Variants in PHACTR2 observed in about 807,000 individuals in gnomAD.
PHACTR2 encodes the protein phosphatase and actin regulator 2, also known as chromosome 6 open reading frame 56.
A neutral mutation model predicts 76.0 loss-of-function variants in PHACTR2; 30 were observed. The observed-to-expected ratio is 0.39, with a 90% confidence interval of 0.30 to 0.54. The LOEUF (loss-of-function observed/expected upper bound fraction) is 0.54, where lower values mean the gene tolerates loss of function less well. Among genes scored for constraint, PHACTR2 ranks in the 20% least tolerant of loss-of-function variants. PHACTR2 has a pLI of 0.61. For missense variants in PHACTR2, 696 were observed against 781.1 expected, an observed-to-expected ratio of 0.89 and a Z score of 1.30; for synonymous variants, 292 against 292.5, an observed-to-expected ratio of 1.00 and a Z score of 0.02.
intron 11 of PHACTR2, among the ~76,000 whole-genome samples, chr6:143,796,383 C>CT (rs989448694): frequency 3.7e-5 from 1 of 26,794 alleles, no homozygotes; most frequent in Non-Finnish European, 9.2e-5. Flanking sequence ...TTTTTCTTTT[C>CT]TTTCTTTCTT....
chr6:143,687,928 A>G (rs1484810614), intron 1 of PHACTR2, among the ~76,000 whole-genome samples: 1 of 152,200 alleles, frequency 6.6e-6, no homozygotes, highest in Non-Finnish European at 1.5e-5. Context: ...TATTATGTGT[A>G]AGGTGTTATG....
At position 143,658,205 on chromosome 6, in the gene PHACTR2, A is replaced by T. The variant is rs1242630071; in HGVS notation, c.13+49883A>T. Reference sequence around the variant, plus strand: ...TAGGTGTATGTTTAACATTACAGAAACTGCCAGACTAACCTGAGCTTCAAC... The same window carrying T: ...TAGGTGTATGTTTAACATTACAGAATCTGCCAGACTAACCTGAGCTTCAAC... On this transcript the variant is annotated intron_variant, in intron 1 of 11. Coordinates refer to the PHACTR2 transcript ENST00000305766. The surrounding 1 kb of genome is among the most constrained non-coding windows in gnomAD (Gnocchi z 4.1). 3.9e-5 allele frequency among the ~76,000 whole-genome samples: 6 copies of T among 152,234 alleles called. No homozygotes were observed. The highest frequency in any genetic ancestry group is 1.4e-4 in the African/African-American group (6 of 41,460).
rs181660747 is a variant in PHACTR2, at chr6:143,816,307, C to G, written c.1923-7367C>G. 6.6e-6 allele frequency among the ~76,000 whole-genome samples: 1 copy of G among 151,816 alleles called. No individual in the cohort carries two copies. The highest frequency in any genetic ancestry group is 2.4e-5 in the African/African-American group (1 of 41,346). ...AAACTACCGAGAAATAGCAAAATACCGAGAAATAACAAACTGAAGAGTATT... is the reference window on the plus strand; with the variant it reads ...AAACTACCGAGAAATAGCAAAATACGGAGAAATAACAAACTGAAGAGTATT... On this transcript the variant is annotated intron_variant, in intron 12 of 12. Transcript: ENST00000440869. The surrounding 1 kb of genome is among the most constrained non-coding windows in gnomAD (Gnocchi z 4.5).
rs548690754 is a variant in PHACTR2 at position 143,619,751 on chromosome 6, T to C, written c.13+11429T>C. Among the ~76,000 whole-genome samples the C allele has an allele frequency of 1.3e-5, 2 of 152,356 alleles. No homozygotes were observed. The highest frequency in any genetic ancestry group is 1.3e-4 in the Admixed American group (2 of 15,304). On this transcript the variant is annotated intron_variant, in intron 1 of 11. Transcript: ENST00000305766. This position sits in a 1 kb window ranked among gnomAD's most constrained non-coding sequence, Gnocchi z 4.5. ...TCTTATTTTCTTAGTAAGGGAAATT[T>C]GGCAACCCTCCATTTTTAAAGCAGC...
At chr6:143,721,920 T>G (rs920262088) in intron 2 of PHACTR2, among the ~76,000 whole-genome samples, 3 of 152,192 alleles carry the variant, frequency 2.0e-5, no homozygotes, top group African/African-American at 7.2e-5. Context: ...CAGTACCTCA[T>G]GTGTTCTTTC....
chr6:143,796,019 A>G (rs1055167820), intron 11 of PHACTR2, among the ~76,000 whole-genome samples: 1 of 152,192 alleles, frequency 6.6e-6, no homozygotes, highest in Non-Finnish European at 1.5e-5. Context: ...TCACTCAGTA[A>G]TCACTTATTA....
At chr6:143,756,548 A>C (rs1390334575) in intron 4 of PHACTR2, among the ~76,000 whole-genome samples, 4 of 151,794 alleles carry the variant, frequency 2.6e-5, no homozygotes, top group Non-Finnish European at 5.9e-5. Flanking sequence ...ACAAAAAAAA[A>C]ATTAGCCGGG....
rs970879209 is a variant in PHACTR2, at chr6:143,753,251, A to G, written c.296-503A>G. On this transcript the variant is annotated intron_variant, in intron 3 of 12. Coordinates refer to ENST00000440869, the MANE Select transcript of PHACTR2 (RefSeq NM_001100164.2). This position sits in a 1 kb window ranked among gnomAD's most constrained non-coding sequence, Gnocchi z 4.6. ...TTACTGTGTGAAGTTAGCACATCAT[A>G]TACTTAATATATTCTGGAACCAGTA... Among the ~76,000 whole-genome samples, 2 of 152,206 alleles carry G rather than the reference A, an allele frequency of 1.3e-5. No homozygotes were observed. Among genetic ancestry groups the G allele is most frequent in the Non-Finnish European group, 2.9e-5 (2 of 68,040 alleles).
chr6:143,575,543 G>A (rs1049300752), intron 1 of PHACTR2, among the ~76,000 whole-genome samples: 4 of 152,194 alleles, frequency 2.6e-5, no homozygotes, highest in African/African-American at 4.8e-5. Flanking sequence ...GACACTAGAT[G>A]GTGCAGTGGT....
Position 143,552,315 on chromosome 6 carries a change from G to T in PHACTR2, c.217+15108G>T, listed in dbSNP as rs551618101. The stretch of plus-strand genomic sequence containing the variant: ...GGACATCTTCAGATTGCATCTGAAG[G>T]AAGTCACTGGAATTCACAGCCAAAG... On this transcript the variant is annotated intron_variant, in intron 1 of 11. Coordinates refer to the PHACTR2 transcript ENST00000367584. Among the ~76,000 whole-genome samples, 22 of 152,306 alleles carry T rather than the reference G, an allele frequency of 1.4e-4. No homozygotes were observed. In the South Asian group the frequency reaches 4.6e-3, roughly 32 times the overall value.
In PHACTR2 at chr6:143,826,137, G is replaced by C. The variant is rs1312654803; in HGVS notation, c.*2448G>C. ...AATTATTTTATTAGAATGATGGCTT[G>C]AGTAAAAAGCTGTGGAAAGAATTAA... On this transcript the variant is annotated 3_prime_UTR_variant, in exon 13 of 13. Coordinates refer to ENST00000440869, the MANE Select transcript of PHACTR2 (RefSeq NM_001100164.2). 3.9e-5 allele frequency: 6 copies of C among 152,082 alleles called. No homozygotes were observed. The highest frequency in any genetic ancestry group is 1.4e-4 in the African/African-American group (6 of 41,402). The allele number at this position is 152,082 out of a possible 1,614,324, so 9.4% of individuals were successfully genotyped here. A position where few individuals can be genotyped will look rare whatever the true frequency, so the allele number is the denominator to read the frequency against.
chr6:143,696,455 A>T lies in PHACTR2; in HGVS notation c.47-15561A>T, dbSNP rs1777771228. 6.6e-6 allele frequency among the ~76,000 whole-genome samples: 1 copy of T among 152,188 alleles called. No homozygotes were observed. Among genetic ancestry groups the T allele is most frequent in the Admixed American group, 6.5e-5 (1 of 15,270 alleles). On this transcript the variant is annotated intron_variant, in intron 1 of 12. Coordinates refer to ENST00000440869, the MANE Select transcript of PHACTR2 (RefSeq NM_001100164.2). The surrounding 1 kb of genome is among the most constrained non-coding windows in gnomAD (Gnocchi z 4.1). ...TTTATTCCCCACAAAACCTCTTATC[A>T]GCCTTTTTCCACTTGCTTACATGTA...
rs144558998 is a variant in PHACTR2 at position 143,544,503 on chromosome 6, C to T, written c.217+7296C>T. On this transcript the variant is annotated intron_variant, in intron 1 of 11. Coordinates refer to the PHACTR2 transcript ENST00000367584. Reference sequence around the variant, plus strand: ...AAGTCACCTCCCTATGCTAGGTTTCCTTATATCTGACCTGAAAATAATTAG... The same window carrying T: ...AAGTCACCTCCCTATGCTAGGTTTCTTTATATCTGACCTGAAAATAATTAG... 4.9e-3 allele frequency among the ~76,000 whole-genome samples: 742 copies of T among 152,258 alleles called. 9 individuals are homozygous for T. In the South Asian group the frequency reaches 0.058, roughly 12 times the overall value.
intron 1 of PHACTR2, among the ~76,000 whole-genome samples, chr6:143,614,360 C>T (rs1417012964): frequency 6.6e-6 from 1 of 152,218 alleles, no homozygotes; most frequent in Admixed American, 6.5e-5. Flanking sequence ...TACCAAGTTA[C>T]AAGGTAGATA....
In PHACTR2 at chr6:143,561,796, G is replaced by A. The variant is rs537868020; in HGVS notation, c.217+24589G>A. The stretch of plus-strand genomic sequence containing the variant: ...CCAGTAAGTAAGGCAGTGAGCCAGG[G>A]AGAGCTGGGTTATTACTGCTTGTGT... On this transcript the variant is annotated intron_variant, in intron 1 of 11. Coordinates refer to the PHACTR2 transcript ENST00000367584. This position sits in a 1 kb window ranked among gnomAD's most constrained non-coding sequence, Gnocchi z 4.1. 1.3e-5 allele frequency: 2 copies of A among 152,392 alleles called. No individual in the cohort carries two copies. The highest frequency in any genetic ancestry group is 4.8e-5 in the African/African-American group (2 of 41,574). The allele number at this position is 152,392 out of a possible 1,614,324, so 9.4% of individuals were successfully genotyped here.
intron 2 of PHACTR2, among the ~76,000 whole-genome samples, chr6:143,727,756 A>C (rs1778607730): frequency 8.1e-6 from 1 of 124,156 alleles, no homozygotes; most frequent in East Asian, 1.9e-4. Context: ...GTTTTTGAGA[A>C]ATATCTATTC....
Position 143,760,697 on chromosome 6 carries a change from G to A in PHACTR2, c.694+57G>A. 3 of 1,573,610 alleles carry A rather than the reference G, an allele frequency of 1.9e-6. No homozygotes were observed. Among genetic ancestry groups the A allele is most frequent in the Admixed American group, 1.9e-5 (1 of 53,372 alleles). ...CTTCTAGGGTGCTTGGCTCTGGGATGGGGCTAATTGTTTCTTCTAGGTGTG... is the reference window on the plus strand; with the variant it reads ...CTTCTAGGGTGCTTGGCTCTGGGATAGGGCTAATTGTTTCTTCTAGGTGTG... On this transcript the variant is annotated intron_variant, in intron 5 of 12. Coordinates refer to ENST00000440869, the MANE Select transcript of PHACTR2 (RefSeq NM_001100164.2). This position sits in a 1 kb window ranked among gnomAD's most constrained non-coding sequence, Gnocchi z 6.4.
rs1246862089 is a variant in PHACTR2 at position 143,597,617 on chromosome 6, T to C, written c.217+60410T>C. ...CTGATGGGAGCCAGTGATAAAAGGA[T>C]TAAGGAGATCTGATTCCCCCTTCAA... is the stretch of plus-strand genomic sequence containing the variant. On this transcript the variant is annotated intron_variant, in intron 1 of 11. Coordinates refer to the PHACTR2 transcript ENST00000367584. The surrounding 1 kb of genome is among the most constrained non-coding windows in gnomAD (Gnocchi z 5.7). Among the ~76,000 whole-genome samples, 1 of 152,214 alleles carries C rather than the reference T, an allele frequency of 6.6e-6. No individual in the cohort carries two copies. Among genetic ancestry groups the C allele is most frequent in the Non-Finnish European group, 1.5e-5 (1 of 68,042 alleles).
At chr6:143,667,054 A>G (rs970260707) in intron 1 of PHACTR2, among the ~76,000 whole-genome samples, 16 of 151,500 alleles carry the variant, frequency 1.1e-4, no homozygotes, top group African/African-American at 3.4e-4. Context: ...TAATTTTTGT[A>G]TGAAGTGTAA....
Sources: allele counts gnomAD v4.1 joint callset (sites outside exome capture counted in the v4.1 genomes callset), GRCh38; gene constraint gnomAD v4.1.1; non-coding constraint Gnocchi (gnomAD v3.1); transcripts MANE v1.5; gene names NCBI Gene and HGNC (gene_info 2026-07-23, HGNC 2026-07-21).